Variants in DNAJC5B observed in about 807,000 individuals in gnomAD.
DNAJC5B encodes dnaJ homolog subfamily C member 5B.
In DNAJC5B, 23 loss-of-function variants were observed where a neutral mutation model predicts 24.7. The ratio of observed to expected loss-of-function variants is 0.93; its 90% CI spans 0.67 to 1.32. The LOEUF (loss-of-function observed/expected upper bound fraction) is 1.32, where lower values mean the gene tolerates loss of function less well. DNAJC5B is among the 40% of genes most tolerant of loss of function. The pLI, the probability that DNAJC5B is intolerant of heterozygous loss-of-function variation, is 0.00. For synonymous variants in DNAJC5B, 101 were observed against 90.1 expected, an observed-to-expected ratio of 1.12 and a Z score of -0.68; for missense variants, 238 against 240.8, an observed-to-expected ratio of 0.99 and a Z score of 0.08.
intron 1 of DNAJC5B, among the ~76,000 whole-genome samples, chr8:66,036,635 G>T (rs1326618276): frequency 6.6e-6 from 1 of 152,146 alleles, no homozygotes; most frequent in Non-Finnish European, 1.5e-5. Context: ...GAAATATTTT[G>T]AAGTTGTAAC....
At chr8:66,018,693 G>A (rs117463486), upstream of DNAJC5B, among the ~76,000 whole-genome samples, 1,217 of 152,176 alleles carry the variant, frequency 8.0e-3, 6 homozygotes, top group Middle Eastern at 0.024. Flanking sequence ...CACTCAGGCC[G>A]TGAGATTTGG....
intron 2 of DNAJC5B, among the ~76,000 whole-genome samples, chr8:66,043,821 CTTTT>C (rs11449089): frequency 1.5e-5 from 2 of 130,644 alleles, no homozygotes; most frequent in African/African-American, 6.0e-5. Flanking sequence ...TGAAAAGAAC[CTTTT>C]TTTTTTTTTT....
intron 1 of DNAJC5B, among the ~76,000 whole-genome samples, chr8:66,036,640 T>A (rs1286873079): frequency 6.6e-6 from 1 of 152,162 alleles, no homozygotes; most frequent in Non-Finnish European, 1.5e-5. Context: ...ATTTTGAAGT[T>A]GTAACTCCTG....
At chr8:66,050,715 G>A (rs1023314465) in intron 2 of DNAJC5B, among the ~76,000 whole-genome samples, 7 of 152,174 alleles carry the variant, frequency 4.6e-5, no homozygotes, top group Non-Finnish European at 1.0e-4. Context: ...AATTATCTAC[G>A]ACTATGATCT....
intron 1 of DNAJC5B, among the ~76,000 whole-genome samples, chr8:66,036,805 A>G (rs1806495828): frequency 6.6e-6 from 1 of 152,116 alleles, no homozygotes; most frequent in Non-Finnish European, 1.5e-5. Context: ...TATTCATTTG[A>G]ATATTTTGCT....
Position 66,080,406 on chromosome 8 carries a change from G to A in DNAJC5B, c.363G>A (p.Thr121=), listed in dbSNP as rs764610686. 1.9e-5 allele frequency: 30 copies of A among 1,613,572 alleles called. No homozygotes were observed. Among genetic ancestry groups the A allele is most frequent in the Admixed American group, 1.0e-4 (6 of 59,984 alleles). The change falls in exon 5 of 6, where the codon ACG becomes ACA. Residue 121 remains threonine (T), a synonymous_variant. Coordinates refer to ENST00000276570, the MANE Select transcript of DNAJC5B (RefSeq NM_033105.6). ...TGTTTGTCATCGTTGGCCTCTTGACGGGCTGCTACTTTTGCTGCTGCCTGT... is the reference window on the plus strand; with the variant it reads ...TGTTTGTCATCGTTGGCCTCTTGACAGGCTGCTACTTTTGCTGCTGCCTGT... ...KALFVIVGLL[T]GCYFCCCLCC...
At chr8:66,056,014 C>CT (rs1268533926) in intron 3 of DNAJC5B, among the ~76,000 whole-genome samples, 2 of 152,124 alleles carry the variant, frequency 1.3e-5, no homozygotes, top group Non-Finnish European at 2.9e-5. Flanking sequence ...GTAGACTTTT[C>CT]TCTCCCTGCT....
chr8:66,084,277 C>T (rs979584405), intron 5 of DNAJC5B, among the ~76,000 whole-genome samples: 7 of 152,124 alleles, frequency 4.6e-5, no homozygotes, highest in African/African-American at 1.4e-4. Flanking sequence ...TAAGAAAATA[C>T]ACTTGAAAGA....
intron 5 of DNAJC5B, among the ~76,000 whole-genome samples, chr8:66,094,612 T>C (rs1025092138): frequency 2.0e-5 from 3 of 152,050 alleles, no homozygotes; most frequent in African/African-American, 7.2e-5. Flanking sequence ...CCATCTCTTA[T>C]CATTTTTTAT....
rs1481446371 is a variant in DNAJC5B at position 66,042,616 on chromosome 8, TCTTCTTCTC to T, written c.-141-866_-141-858del. ...TTCTTCCTCTTCTTCTTCTTCTTCT[TCTTCTTCTC>T]CTTCTCCTTCTCCTTCTCCTCCTTC... On this transcript the variant is annotated intron_variant, in intron 1 of 5. Coordinates refer to ENST00000276570, the MANE Select transcript of DNAJC5B (RefSeq NM_033105.6). Among the ~76,000 whole-genome samples, 138 of 150,924 alleles carry T rather than the reference TCTTCTTCTC, an allele frequency of 9.1e-4. 2 individuals are homozygous for T. Among genetic ancestry groups the T allele is most frequent in the Admixed American group, 4.5e-3 (68 of 15,152 alleles).
intron 3 of DNAJC5B, among the ~76,000 whole-genome samples, chr8:66,071,227 C>A (rs1290331942): frequency 6.6e-6 from 1 of 152,152 alleles, no homozygotes; most frequent in Non-Finnish European, 1.5e-5. Flanking sequence ...AAGAGCTCTG[C>A]ACAGCAAAAG....
intron 5 of DNAJC5B, among the ~76,000 whole-genome samples, chr8:66,095,415 C>T (rs6991418): frequency 0.067 from 8,705 of 129,922 alleles, 331 homozygotes; most frequent in African/African-American, 0.14. Flanking sequence ...CTCTCTCTCT[C>T]TTTTTTTTAA....
chr8:66,077,995 T>C (rs559328840), intron 4 of DNAJC5B, among the ~76,000 whole-genome samples: 4 of 152,006 alleles, frequency 2.6e-5, no homozygotes, highest in Non-Finnish European at 4.4e-5. Context: ...GACAATAGAT[T>C]GAACGTTCAT....
At chr8:66,045,269 A>T (rs72650554) in intron 2 of DNAJC5B, among the ~76,000 whole-genome samples, 12,811 of 152,216 alleles carry the variant, frequency 0.084, 758 homozygotes, top group Non-Finnish European at 0.13. Flanking sequence ...TGGACTTTTT[A>T]AAAAAGTTTC....
chr8:66,055,989 T>C (rs1806954290), intron 3 of DNAJC5B, among the ~76,000 whole-genome samples: 1 of 152,014 alleles, frequency 6.6e-6, no homozygotes, highest in East Asian at 1.9e-4. Flanking sequence ...GAACTTCCAG[T>C]CTAAGAAAGA....
At chr8:66,060,527 C>G (rs529020329) in intron 3 of DNAJC5B, among the ~76,000 whole-genome samples, 4 of 152,184 alleles carry the variant, frequency 2.6e-5, no homozygotes, top group African/African-American at 4.8e-5. Flanking sequence ...GCAGCCCTAC[C>G]GTATTCCTGC....
intron 1 of DNAJC5B, among the ~76,000 whole-genome samples, chr8:66,023,482 A>C (rs1294848282): frequency 6.6e-6 from 1 of 152,208 alleles, no homozygotes; most frequent in African/African-American, 2.4e-5. Flanking sequence ...AGCTACTGTA[A>C]ATTGAGGGCT....
intron 3 of DNAJC5B, among the ~76,000 whole-genome samples, chr8:66,069,097 A>G (rs1807288971): frequency 6.6e-6 from 1 of 152,112 alleles, no homozygotes; most frequent in South Asian, 2.1e-4. Context: ...TTCTAAACCA[A>G]CAGGGAAAAA....
At chr8:66,063,596 T>C (rs1441771981) in intron 3 of DNAJC5B, among the ~76,000 whole-genome samples, 1 of 152,152 alleles carries the variant, frequency 6.6e-6, no homozygotes, top group African/African-American at 2.4e-5. Flanking sequence ...ATAACCTCCC[T>C]TGTCCCTCGT....
Sources: allele counts gnomAD v4.1 joint callset (sites outside exome capture counted in the v4.1 genomes callset), GRCh38; gene constraint gnomAD v4.1.1; transcripts MANE v1.5; gene names NCBI Gene and HGNC (gene_info 2026-07-23, HGNC 2026-07-21).